Variants in MTUS2 observed in about 807,000 individuals in gnomAD.
MTUS2 encodes the protein microtubule associated scaffold protein 2.
In MTUS2, 40 loss-of-function variants were observed where a neutral mutation model predicts 114.1. The observed-to-expected ratio is 0.35, with a 90% CI of 0.27 to 0.46. MTUS2 has a LOEUF of 0.46. Among genes scored for constraint, MTUS2 ranks in the 20% least tolerant of loss-of-function variants. The pLI is 1.00. For synonymous variants in MTUS2, 688 were observed against 672.0 expected (o/e 1.02, Z -0.37); for missense variants, 1,679 against 1,705.4 (o/e 0.98, Z 0.27).
intron 3 of MTUS2, among the ~76,000 whole-genome samples, chr13:29,029,680 C>T (rs554592874): frequency 5.9e-5 from 9 of 152,280 alleles, no homozygotes; most frequent in African/African-American, 2.2e-4. Context: ...CAGCATCTGC[C>T]TATGGTGAGG....
chr13:29,330,961 A>G (rs1381000554), intron 7 of MTUS2, among the ~76,000 whole-genome samples: 1 of 152,042 alleles, frequency 6.6e-6, no homozygotes, highest in Non-Finnish European at 1.5e-5. Flanking sequence ...GTTTTTTTCT[A>G]ATTATGTGAA....
intron 9 of MTUS2, among the ~76,000 whole-genome samples, chr13:29,456,840 T>A (rs1254470951): frequency 6.6e-6 from 1 of 152,092 alleles, no homozygotes; most frequent in Non-Finnish European, 1.5e-5. Context: ...AATATGTGGA[T>A]AAATATAAAA....
Position 29,026,319 on chromosome 13 carries a change from A to C in MTUS2, c.1621A>C (p.Thr541Pro), listed in dbSNP as rs1373112659. ...TCCAGCACCCCTCCACCCAGAGACAACTGTGAACATGACCTACCAGCCTAC... is the reference window on the plus strand; with the variant it reads ...TCCAGCACCCCTCCACCCAGAGACACCTGTGAACATGACCTACCAGCCTAC... ...NIPAPLHPET[T>P]VNMTYQPTTP... The change falls in exon 3 of 16, where the codon ACT (threonine) becomes CCT (proline). Residue 541 changes from threonine to proline, a missense_variant. Physicochemically the swap from Thr to Pro is conservative, Grantham distance 38. This residue lies in a region of MTUS2 where 843 missense variants were observed against 770.8 expected (regional missense o/e 1.09). Transcript: ENST00000612955. 8 of 1,613,948 alleles carry C rather than the reference A, an allele frequency of 5.0e-6. No homozygotes were observed. The Admixed American group carries it at 1.3e-4, about 27-fold the overall frequency.
intron 2 of MTUS2, among the ~76,000 whole-genome samples, chr13:28,934,612 C>T (rs7984727): frequency 0.084 from 12,743 of 152,170 alleles, 598 homozygotes; most frequent in South Asian, 0.13. Flanking sequence ...CAACCTTCCC[C>T]TCCCGGGTTC....
chr13:29,023,624 A>G (rs1354239004), intron 2 of MTUS2, among the ~76,000 whole-genome samples: 2 of 152,234 alleles, frequency 1.3e-5, no homozygotes, highest in East Asian at 3.8e-4. Flanking sequence ...AATTAATTAT[A>G]AAATACCTGT....
intron 2 of MTUS2, among the ~76,000 whole-genome samples, chr13:28,904,947 T>C (rs1879892803): frequency 6.6e-6 from 1 of 151,604 alleles, no homozygotes; most frequent in African/African-American, 2.4e-5. Flanking sequence ...TGGTTTGTAG[T>C]TCTCCTTGAA....
chr13:28,950,105 C>T lies in MTUS2; in HGVS notation c.-242-74352C>T, dbSNP rs116130751. 3.9e-3 allele frequency among the ~76,000 whole-genome samples: 597 copies of T among 152,302 alleles called. 2 individuals are homozygous for T. The highest frequency in any genetic ancestry group is 0.012 in the African/African-American group (513 of 41,566). The stretch of plus-strand genomic sequence containing the variant: ...GGGTTCCAATTTTTCCACATCCTTG[C>T]CCACACTTGTTATTGTCTGTTTTTT... On this transcript the variant is annotated intron_variant, in intron 2 of 15. Coordinates refer to ENST00000612955, the MANE Select transcript of MTUS2 (RefSeq NM_001033602.4).
At position 29,025,339 on chromosome 13, in the gene MTUS2, A is replaced by C. The variant is rs376775458; in HGVS notation, c.641A>C (p.Glu214Ala). 5 of 1,613,512 alleles carry C rather than the reference A, an allele frequency of 3.1e-6. No individual in the cohort carries two copies. In the African/African-American group the frequency reaches 6.7e-5, roughly 22 times the overall value. The change falls in exon 3 of 16, where the codon GAG becomes GCG. Residue 214 changes from glutamate (E) to alanine (A), a missense_variant. Glu to Ala is a moderately radical substitution (Grantham distance 107). Around this residue, in one of 3 missense-constraint regions of MTUS2, gnomAD observed 843 missense variants for 770.8 expected, o/e 1.09. Transcript: ENST00000612955. Reference sequence around the variant, plus strand: ...CGGGGTCAGATACCTGGGGGTGGGGAGGGGCCACAGAAGACATTGCCAGAC... The same window carrying C: ...CGGGGTCAGATACCTGGGGGTGGGGCGGGGCCACAGAAGACATTGCCAGAC... ...EARGQIPGGG[E>A]GPQKTLPDHA...
At chr13:28,842,032 C>T (rs918772117) in intron 2 of MTUS2, among the ~76,000 whole-genome samples, 1 of 152,122 alleles carries the variant, frequency 6.6e-6, no homozygotes, top group Non-Finnish European at 1.5e-5. Context: ...CCCCCATTCC[C>T]CTCTATGTGT....
chr13:29,347,798 G>A (rs1463154817), intron 7 of MTUS2, among the ~76,000 whole-genome samples: 2 of 152,110 alleles, frequency 1.3e-5, no homozygotes, highest in African/African-American at 2.4e-5. Flanking sequence ...CAAATTGGAG[G>A]TTCTCACAAT....
rs200227165 is a variant in MTUS2, at chr13:29,193,938, C to G, written c.2645-87766C>G. Among the ~76,000 whole-genome samples the G allele has an allele frequency of 1.5e-4, 23 of 152,098 alleles. No individual in the cohort carries two copies. In the East Asian group the frequency reaches 4.4e-3, roughly 29 times the overall value. ...AGAACAGAGCCCTCAGAAATAACGC[C>G]GCATATCTACAAATATCTGATCTTT... On this transcript the variant is annotated intron_variant, in intron 5 of 15. Coordinates refer to ENST00000612955, the MANE Select transcript of MTUS2 (RefSeq NM_001033602.4).
chr13:28,836,818 T>C (rs914694542), intron 1 of MTUS2, among the ~76,000 whole-genome samples: 5 of 152,088 alleles, frequency 3.3e-5, no homozygotes, highest in Admixed American at 2.0e-4. Context: ...GAGGGCCATG[T>C]TATTTGAGGG....
At chr13:29,125,605 G>T (rs1891480573) in intron 5 of MTUS2, among the ~76,000 whole-genome samples, 1 of 152,058 alleles carries the variant, frequency 6.6e-6, no homozygotes, top group South Asian at 2.1e-4. Flanking sequence ...TGTTTTCTTA[G>T]CCAAAGCACC....
intron 2 of MTUS2, among the ~76,000 whole-genome samples, chr13:28,886,837 CT>C (rs1373130826): frequency 6.6e-6 from 1 of 152,246 alleles, no homozygotes; most frequent in Admixed American, 6.5e-5. Flanking sequence ...TGCTTCAGCA[CT>C]TCAGATGCAG....
intron 5 of MTUS2, among the ~76,000 whole-genome samples, chr13:29,232,088 G>A (rs1896346007): frequency 6.6e-6 from 1 of 152,122 alleles, no homozygotes; most frequent in Non-Finnish European, 1.5e-5. Flanking sequence ...AGGAATACAT[G>A]CCCTGTCTAA....
chr13:28,884,603 A>G (rs1878481212), intron 2 of MTUS2, among the ~76,000 whole-genome samples: 1 of 152,198 alleles, frequency 6.6e-6, no homozygotes, highest in Non-Finnish European at 1.5e-5. Context: ...CGGCACACAC[A>G]TATACACACT....
At chr13:29,374,456 C>A (rs1871425475) in intron 8 of MTUS2, among the ~76,000 whole-genome samples, 2 of 152,186 alleles carry the variant, frequency 1.3e-5, no homozygotes, top group East Asian at 3.8e-4. Context: ...AGAAAAATTA[C>A]ACATTACCTA....
chr13:29,237,780 C>T (rs538403524), intron 5 of MTUS2, among the ~76,000 whole-genome samples: 29 of 152,214 alleles, frequency 1.9e-4, no homozygotes, highest in African/African-American at 5.8e-4. Context: ...CAAAAGAAGA[C>T]ATACAAACGG....
intron 2 of MTUS2, among the ~76,000 whole-genome samples, chr13:28,850,956 G>A (rs552933645): frequency 2.6e-5 from 4 of 152,044 alleles, no homozygotes; most frequent in Admixed American, 6.5e-5. Context: ...TCCCCTTTTT[G>A]TGTGCAGCTG....
Sources: gnomAD v4.1 joint callset for allele counts (sites outside exome capture counted in the v4.1 genomes callset) on GRCh38, gnomAD v4.1.1 for gene constraint, gnomAD v4.1.1 regional missense constraint, MANE v1.5 for transcripts, NCBI Gene and HGNC (gene_info 2026-07-23, HGNC 2026-07-21) for gene names.